The following DNM3 variants were observed in gnomAD, a reference collection of about 807,000 sequenced individuals.
DNM3 encodes the protein dynamin-3.
DNM3 carries 47 observed loss-of-function variants against 101.6 expected under a neutral mutation model. That is an observed-to-expected ratio of 0.46 (90% CI 0.37 to 0.59). The LOEUF is 0.59. DNM3 is among the 20% of genes least tolerant of loss of function. The probability of loss-of-function intolerance (pLI) is 0.00; values close to 1 mark genes in which losing one functional copy is unlikely to be tolerated. For missense variants in DNM3, 849 were observed against 1,085.7 expected, an observed-to-expected ratio of 0.78 and a Z score of 3.06; for synonymous variants, 385 against 387.9, an observed-to-expected ratio of 0.99 and a Z score of 0.09.
At chr1:171,991,510 G>A (rs1388653482) in intron 4 of DNM3, among the ~76,000 whole-genome samples, 1 of 152,158 alleles carries the variant, frequency 6.6e-6, no homozygotes, top group South Asian at 2.1e-4. Context: ...TATGAGAAGC[G>A]ATGTGGAGCT....
At chr1:171,841,881 A>C in intron 1 of DNM3, 64 bp downstream of exon 1, 3 of 1,371,400 alleles carry the variant, frequency 2.2e-6, no homozygotes, top group Admixed American at 2.2e-5. Flanking sequence ...GGCCGTTGGA[A>C]CGTGGACGGG....
At chr1:172,276,186 G>C (rs1418818113) in intron 15 of DNM3, among the ~76,000 whole-genome samples, 2 of 151,960 alleles carry the variant, frequency 1.3e-5, no homozygotes, top group Non-Finnish European at 2.9e-5. Flanking sequence ...AGAGTAAAAG[G>C]GGACAGTATT....
intron 1 of DNM3, among the ~76,000 whole-genome samples, chr1:171,842,926 AC>A (rs2031492057): frequency 6.6e-6 from 1 of 152,186 alleles, no homozygotes; most frequent in African/African-American, 2.4e-5. Flanking sequence ...GTAATAGAAA[AC>A]CAGGTAGAAA....
intron 1 of DNM3, among the ~76,000 whole-genome samples, chr1:171,875,756 G>A (rs1268602746): frequency 6.9e-6 from 1 of 145,880 alleles, no homozygotes; most frequent in Non-Finnish European, 1.5e-5. Flanking sequence ...TTAGTACAGT[G>A]TTTATTAAAT....
At chr1:171,906,252 C>T (rs75803247) in intron 1 of DNM3, among the ~76,000 whole-genome samples, 2,502 of 151,640 alleles carry the variant, frequency 0.016, 62 homozygotes, top group African/African-American at 0.057. Flanking sequence ...CTCAGCCTCC[C>T]GTATAGTTGG....
intron 14 of DNM3, among the ~76,000 whole-genome samples, chr1:172,216,734 A>T (rs2060712763): frequency 6.6e-6 from 1 of 151,484 alleles, no homozygotes; most frequent in African/African-American, 2.4e-5. Context: ...ATGGGAGTAG[A>T]GGGAATACAC....
intron 17 of DNM3, among the ~76,000 whole-genome samples, chr1:172,331,790 A>G (rs2066197012): frequency 6.6e-6 from 1 of 152,208 alleles, no homozygotes; most frequent in African/African-American, 2.4e-5. Context: ...AAAAGTTACT[A>G]TTTTACTACT....
At chr1:171,937,711 A>G (rs987644800) in intron 2 of DNM3, among the ~76,000 whole-genome samples, 8 of 152,142 alleles carry the variant, frequency 5.3e-5, no homozygotes, top group African/African-American at 1.9e-4. Context: ...CTGGGACCAC[A>G]GGGGTGTGCC....
intron 4 of DNM3, among the ~76,000 whole-genome samples, chr1:171,994,942 C>T (rs1014388085): frequency 5.3e-5 from 8 of 152,004 alleles, no homozygotes; most frequent in African/African-American, 1.7e-4. Context: ...TGATGCTCTC[C>T]AACCCCATTC....
At chr1:172,382,082 G>A (rs950568502) in intron 18 of DNM3, among the ~76,000 whole-genome samples, 3 of 152,168 alleles carry the variant, frequency 2.0e-5, no homozygotes, top group Admixed American at 2.0e-4. Flanking sequence ...AATTGTTTAA[G>A]AAGTTTAAAG....
At position 172,323,330 on chromosome 1, in the gene DNM3, G is replaced by A. The variant is rs771366098; in HGVS notation, c.1883G>A (p.Gly628Glu). The A allele has an allele frequency of 1.2e-6, 2 of 1,605,092 alleles. No homozygotes were observed. Among genetic ancestry groups the A allele is most frequent in the South Asian group, 2.2e-5 (2 of 88,986 alleles). Residue 628 changes from glycine (G) to glutamate (E), a missense_variant and splice_region_variant, in exon 17 of 21, where the codon GGG (glycine) becomes GAG (glutamate). Gly to Glu is a moderately conservative substitution (Grantham distance 98). Coordinates refer to ENST00000627582, the MANE Select transcript of DNM3 (RefSeq NM_015569.5). ...TTTTCCTTGCGGCTACATGCATAGG[G>A]GAACAACAAAGTAAGTTATTTGTCC... ...RAGVYPDKSV[G>E]NNKAENDENG...
intron 4 of DNM3, among the ~76,000 whole-genome samples, chr1:171,999,559 T>C (rs760644881): frequency 3.3e-5 from 5 of 152,136 alleles, no homozygotes; most frequent in African/African-American, 4.8e-5. Context: ...GTTATCAGTC[T>C]ATAGTGGTAT....
At chr1:172,345,501 G>C (rs2066886890) in intron 17 of DNM3, among the ~76,000 whole-genome samples, 1 of 152,128 alleles carries the variant, frequency 6.6e-6, no homozygotes, top group South Asian at 2.1e-4. Context: ...TCTTTTTATT[G>C]ATGTGAAGTC....
chr1:172,354,197 T>C (rs189592692), intron 17 of DNM3, among the ~76,000 whole-genome samples: 114 of 150,250 alleles, frequency 7.6e-4, no homozygotes, highest in Non-Finnish European at 1.1e-3. Flanking sequence ...AAGGACAAAA[T>C]GTTGTAGAAA....
chr1:172,038,984 A>G (rs1331208874), intron 7 of DNM3, among the ~76,000 whole-genome samples: 1 of 151,980 alleles, frequency 6.6e-6, no homozygotes, highest in Admixed American at 6.6e-5. Flanking sequence ...TCCTTTGAAA[A>G]TGTAAATGTG....
In DNM3 at chr1:172,239,394, T is replaced by C. The variant is rs144805838; in HGVS notation, c.1660-14179T>C. Among the ~76,000 whole-genome samples, 663 of 152,264 alleles carry C rather than the reference T, an allele frequency of 4.4e-3. 2 individuals carry two copies. Among genetic ancestry groups the C allele is most frequent in the Middle Eastern group, 0.017 (5 of 294 alleles). On this transcript the variant is annotated intron_variant, in intron 14 of 20. Coordinates refer to ENST00000627582, the MANE Select transcript of DNM3 (RefSeq NM_015569.5). ...TTCCAAGGAAAAGGAAATAAACATG[T>C]ATCCGAAGTCCCTGAATACACGGTC...
At chr1:172,142,915 T>C (rs1375126735) in intron 14 of DNM3, among the ~76,000 whole-genome samples, 6 of 151,966 alleles carry the variant, frequency 3.9e-5, no homozygotes, top group Non-Finnish European at 8.8e-5. Flanking sequence ...ATTTTTAACA[T>C]CTCATTTGTT....
chr1:171,891,889 G>C (rs543679974), intron 1 of DNM3, among the ~76,000 whole-genome samples: 1 of 152,170 alleles, frequency 6.6e-6, no homozygotes, highest in Admixed American at 6.5e-5. Context: ...AAGTCACTGT[G>C]CATAACCCAC....
chr1:172,252,536 C>G (rs1557884288), intron 14 of DNM3, among the ~76,000 whole-genome samples: 1 of 152,132 alleles, frequency 6.6e-6, no homozygotes, highest in Non-Finnish European at 1.5e-5. Flanking sequence ...GACTAAGTCT[C>G]CATTCTCTCC....
Sources: gnomAD v4.1 joint callset for allele counts (sites outside exome capture counted in the v4.1 genomes callset) on GRCh38, gnomAD v4.1.1 for gene constraint, MANE v1.5 for transcripts, NCBI Gene and HGNC (gene_info 2026-07-23, HGNC 2026-07-21) for gene names.